ARHGAP24: variants seen among roughly 807,000 people sequenced by gnomAD.
ARHGAP24 encodes Rho GTPase activating protein 24.
In ARHGAP24, 50 loss-of-function variants were observed where a neutral mutation model predicts 76.4. The observed-to-expected ratio is 0.65, with a 90% CI of 0.52 to 0.83. ARHGAP24 has a LOEUF of 0.83. ARHGAP24 is among the 40% of genes least tolerant of loss of function. The pLI is 0.00. For missense variants in ARHGAP24, 930 were observed against 914.2 expected (o/e 1.02, Z -0.22); for synonymous variants, 345 against 323.3 (o/e 1.07, Z -0.72).
rs1161677432 is a variant in ARHGAP24 at position 85,475,498 on chromosome 4, C to T, written c.-82C>T. On this transcript the variant is annotated 5_prime_UTR_variant, in exon 1 of 10. Transcript: ENST00000395184. Reference sequence around the variant, plus strand: ...TCTTTGCGTTTTCTTACTGCTGGTCCTGGGAGCCTTTTCCTTCGGAGCAGC... The same window carrying T: ...TCTTTGCGTTTTCTTACTGCTGGTCTTGGGAGCCTTTTCCTTCGGAGCAGC... The T allele has an allele frequency of 1.3e-5, 2 of 152,604 alleles. No individual in the cohort carries two copies. The highest frequency in any genetic ancestry group is 2.9e-5 in the Non-Finnish European group (2 of 68,120). The allele number at this position is 152,604 out of a possible 1,614,324, so 9.5% of individuals were successfully genotyped here.
At chr4:85,545,388 C>T (rs1725879673) in intron 1 of ARHGAP24, among the ~76,000 whole-genome samples, 1 of 152,188 alleles carries the variant, frequency 6.6e-6, no homozygotes, top group South Asian at 2.1e-4. Context: ...ACGTGAGCCA[C>T]CACACCTGGC....
chr4:85,787,538 A>C (rs1727906476), intron 3 of ARHGAP24, among the ~76,000 whole-genome samples: 1 of 152,184 alleles, frequency 6.6e-6, no homozygotes, highest in Admixed American at 6.5e-5. Flanking sequence ...AGTGTTTTGG[A>C]TTTTTTGTTT....
chr4:85,862,597 C>G (rs1047184102), intron 3 of ARHGAP24, among the ~76,000 whole-genome samples: 5 of 152,062 alleles, frequency 3.3e-5, no homozygotes, highest in African/African-American at 1.2e-4. Flanking sequence ...GGGCTCACCC[C>G]CTACTCTGAA....
At chr4:85,696,201 T>G (rs1723858657) in intron 2 of ARHGAP24, among the ~76,000 whole-genome samples, 1 of 152,016 alleles carries the variant, frequency 6.6e-6, no homozygotes, top group South Asian at 2.1e-4. Context: ...TTGAATGTAT[T>G]TATTTCTTCC....
At chr4:85,501,138 G>T (rs1445780447) in intron 1 of ARHGAP24, among the ~76,000 whole-genome samples, 1 of 152,118 alleles carries the variant, frequency 6.6e-6, no homozygotes, top group African/African-American at 2.4e-5. Flanking sequence ...TGAACATCTG[G>T]GTTGGTTCCA....
intron 1 of ARHGAP24, among the ~76,000 whole-genome samples, chr4:85,501,285 T>C (rs1203672139): frequency 6.6e-6 from 1 of 152,134 alleles, no homozygotes; most frequent in Non-Finnish European, 1.5e-5. Flanking sequence ...TTCTAGATCT[T>C]TGAGGAATTG....
chr4:85,599,661 C>T (rs1349192956), intron 2 of ARHGAP24, among the ~76,000 whole-genome samples: 1 of 151,772 alleles, frequency 6.6e-6, no homozygotes, highest in Non-Finnish European at 1.5e-5. Context: ...ACATGAATTG[C>T]TATTAAATTA....
At chr4:85,547,699 G>A (rs897944031) in intron 1 of ARHGAP24, among the ~76,000 whole-genome samples, 1 of 152,148 alleles carries the variant, frequency 6.6e-6, no homozygotes, top group African/African-American at 2.4e-5. Context: ...GCCTCCCGAA[G>A]TGCTGGGTTT....
chr4:85,820,289 G>A (rs1282654488), intron 3 of ARHGAP24, among the ~76,000 whole-genome samples: 5 of 152,130 alleles, frequency 3.3e-5, no homozygotes, highest in Non-Finnish European at 7.4e-5. Context: ...ACATACTGTG[G>A]AATACTATGC....
chr4:85,863,665 A>C (rs529957288), intron 3 of ARHGAP24, among the ~76,000 whole-genome samples: 1 of 152,100 alleles, frequency 6.6e-6, no homozygotes, highest in Non-Finnish European at 1.5e-5. Flanking sequence ...AGTACCCTAC[A>C]TATACTTCGA....
intron 3 of ARHGAP24, among the ~76,000 whole-genome samples, chr4:85,736,080 C>T: frequency 6.6e-6 from 1 of 152,158 alleles, no homozygotes; most frequent in Non-Finnish European, 1.5e-5. Flanking sequence ...TTTAGAATGG[C>T]TCCTCCCATC....
chr4:85,537,093 G>C (rs1343618133), intron 1 of ARHGAP24, among the ~76,000 whole-genome samples: 1 of 152,066 alleles, frequency 6.6e-6, no homozygotes, highest in Non-Finnish European at 1.5e-5. Flanking sequence ...CAGTATGTTA[G>C]ATGCTCTATA....
intron 3 of ARHGAP24, among the ~76,000 whole-genome samples, chr4:85,876,546 T>C (rs1409184306): frequency 6.6e-6 from 1 of 152,226 alleles, no homozygotes; most frequent in Non-Finnish European, 1.5e-5. Context: ...CTCAAGGGTC[T>C]CTGTCCTCAG....
intron 2 of ARHGAP24, among the ~76,000 whole-genome samples, chr4:85,580,114 G>A (rs572091852): frequency 4.6e-5 from 7 of 151,766 alleles, no homozygotes; most frequent in Admixed American, 4.6e-4. Context: ...TCCACACCCT[G>A]TGTATGTGTT....
intron 3 of ARHGAP24, among the ~76,000 whole-genome samples, chr4:85,877,232 T>A (rs1732987149): frequency 2.0e-5 from 3 of 152,216 alleles, no homozygotes; most frequent in African/African-American, 7.2e-5. Flanking sequence ...TCACATTGTG[T>A]ATATTTTATT....
At chr4:85,645,148 T>G (rs537086726) in intron 2 of ARHGAP24, among the ~76,000 whole-genome samples, 1 of 152,122 alleles carries the variant, frequency 6.6e-6, no homozygotes, top group Non-Finnish European at 1.5e-5. Context: ...AGTTTGTAGC[T>G]TAAGATAAAA....
chr4:85,897,655 C>T (rs1734258726), intron 3 of ARHGAP24, among the ~76,000 whole-genome samples: 1 of 152,224 alleles, frequency 6.6e-6, no homozygotes, highest in Admixed American at 6.5e-5. Context: ...CCATGGCTCT[C>T]ATATTGCTGC....
intron 3 of ARHGAP24, among the ~76,000 whole-genome samples, chr4:85,813,555 A>G (rs572174423): frequency 9.9e-5 from 15 of 152,256 alleles, no homozygotes; most frequent in African/African-American, 3.6e-4. Context: ...TATGAGTTAC[A>G]GTATAATTCT....
chr4:85,654,972 G>A (rs1032432445), intron 2 of ARHGAP24, among the ~76,000 whole-genome samples: 1 of 152,172 alleles, frequency 6.6e-6, no homozygotes, highest in Admixed American at 6.5e-5. Context: ...TACAGAATTA[G>A]CTACAGTTTT....
Sources: gnomAD v4.1 joint callset for allele counts (sites outside exome capture counted in the v4.1 genomes callset) on GRCh38, gnomAD v4.1.1 for gene constraint, MANE v1.5 for transcripts, NCBI Gene and HGNC (gene_info 2026-07-23, HGNC 2026-07-21) for gene names.